Variants in HUWE1 observed in about 807,000 individuals in gnomAD.
HUWE1 encodes HECT, UBA and WWE domain containing E3 ubiquitin protein ligase 1.
A neutral mutation model predicts 299.4 loss-of-function variants in HUWE1; 18 were observed. The observed-to-expected ratio is 0.06, with a 90% CI of 0.04 to 0.09. The LOEUF (loss-of-function observed/expected upper bound fraction) is 0.09, where lower values mean the gene tolerates loss of function less well. Among genes scored for constraint, HUWE1 ranks in the 10% least tolerant of loss-of-function variants. The probability of loss-of-function intolerance (pLI) is 1.00; values close to 1 mark genes in which losing one functional copy is unlikely to be tolerated. For synonymous variants in HUWE1, 1,317 were observed against 1,286.1 expected (o/e 1.02, Z -0.51); for missense variants, 1,832 against 3,462.3 (o/e 0.53, Z 11.82).
intron 78 of HUWE1, 39 bp from the exon 79 acceptor site, chrX:53,536,706 A>G: frequency 8.9e-7 from 1 of 1,128,030 alleles, no homozygotes; most frequent in Non-Finnish European, 1.2e-6. Context: ...GCTGTGCAGA[A>G]AACCCAGGAT....
chrX:53,547,645 A>G, intron 68 of HUWE1, 28 bp downstream of exon 68: 2 of 1,208,555 alleles, frequency 1.7e-6, no homozygotes, highest in Non-Finnish European at 2.2e-6. Flanking sequence ...TATATACCCC[A>G]CAGCTCCCAG....
intron 81 of HUWE1, among the ~76,000 whole-genome samples, chrX:53,535,150 G>T (rs782414177): frequency 9.0e-6 from 1 of 111,061 alleles, no homozygotes; most frequent in Non-Finnish European, 1.9e-5. Context: ...GGCCAGGCTG[G>T]TCTCAAACTC....
At chrX:53,639,501 T>C (rs1474222528) in intron 7 of HUWE1, among the ~76,000 whole-genome samples, 1 of 111,740 alleles carries the variant, frequency 8.9e-6, no homozygotes, top group Non-Finnish European at 1.9e-5. Flanking sequence ...TACAGGTGAC[T>C]TTAAAGTGAT....
At chrX:53,552,264 A>G in intron 63 of HUWE1, 47 bp downstream of exon 63, 1 of 1,205,494 alleles carries the variant, frequency 8.3e-7, no homozygotes, top group Middle Eastern at 2.6e-4. Flanking sequence ...AAGGGCTACT[A>G]GAAGCCAAAA....
chrX:53,548,117 T>C lies in HUWE1; in HGVS notation c.10192A>G (p.Met3398Val), dbSNP rs1556924938. ...FWDLLVKLDN[M>V]NVSRKGKNSV... ...TTCTTGCCTTTCCGGCTGACATTCATGTTGTCCAGTTTTACCAATAAGTCC... is the reference window on the plus strand; with the variant it reads ...TTCTTGCCTTTCCGGCTGACATTCACGTTGTCCAGTTTTACCAATAAGTCC... Residue 3398 changes from methionine (M) to valine (V), a missense_variant, in exon 68 of 84, where the codon ATG becomes GTG. Physicochemically the swap from Met to Val is conservative, Grantham distance 21. Coordinates refer to ENST00000262854, the MANE Select transcript of HUWE1 (RefSeq NM_031407.7). 7.4e-6 allele frequency: 9 copies of C among 1,208,572 alleles called. No individual in the cohort carries two copies. Among genetic ancestry groups the C allele is most frequent in the South Asian group, 3.6e-5 (2 of 56,265 alleles).
At chrX:53,606,083 A>G (rs1202657481) in intron 25 of HUWE1, among the ~76,000 whole-genome samples, 4 of 112,209 alleles carry the variant, frequency 3.6e-5, no homozygotes, top group Admixed American at 9.4e-5. Context: ...AGGTGTTTAC[A>G]CAGGCAACAA....
chrX:53,618,088 C>T (rs2065901552), intron 19 of HUWE1, among the ~76,000 whole-genome samples: 1 of 111,746 alleles, frequency 8.9e-6, no homozygotes, highest in Admixed American at 9.5e-5. Flanking sequence ...ATGGGAAAAA[C>T]TCTACTCAAG....
chrX:53,622,478 G>T (rs1557013190), intron 19 of HUWE1, among the ~76,000 whole-genome samples: 1 of 111,398 alleles, frequency 9.0e-6, no homozygotes, highest in Admixed American at 9.5e-5. Flanking sequence ...CCTATTCTGG[G>T]CCTCATCAGA....
At position 53,557,133 on chromosome X, in the gene HUWE1, A is replaced by G. The variant is rs782261553; in HGVS notation, c.8206+249T>C. Reference sequence around the variant, plus strand: ...GACCTCATTACCCATGCCAGAACAAAGTAGATAATAACCAGAACAAGAACC... The same window carrying G: ...GACCTCATTACCCATGCCAGAACAAGGTAGATAATAACCAGAACAAGAACC... On this transcript the variant is annotated intron_variant, in intron 60 of 83. Transcript: ENST00000262854. 3 of 491,187 alleles carry G rather than the reference A, an allele frequency of 6.1e-6. 1 individual carries two copies. In the South Asian group the frequency reaches 8.2e-5, roughly 13 times the overall value. 40.5% of individuals were successfully genotyped at this position (491,187 alleles called of 1,213,427 possible). A position where few individuals can be genotyped will look rare whatever the true frequency, so the allele number is the denominator to read the frequency against.
Position 53,673,203 on chromosome X carries a change from T to C in HUWE1, c.-25+6846A>G, listed in dbSNP as rs2069645301. Among the ~76,000 whole-genome samples the C allele has an allele frequency of 3.6e-5, 4 of 111,685 alleles. No individual in the cohort carries two copies. The South Asian group carries it at 1.5e-3, about 42-fold the overall frequency. ...CTTACATTCATAATTTATACCATTCTCACAGTAGAAAAATTCAAGCAATTC... is the reference window on the plus strand; with the variant it reads ...CTTACATTCATAATTTATACCATTCCCACAGTAGAAAAATTCAAGCAATTC... On this transcript the variant is annotated intron_variant, in intron 3 of 83. Coordinates refer to ENST00000262854, the MANE Select transcript of HUWE1 (RefSeq NM_031407.7).
chrX:53,628,464 TAAA>T (rs781865515), intron 15 of HUWE1, 26 bp downstream of exon 15: 530 of 1,038,344 alleles, frequency 5.1e-4, no homozygotes, highest in Admixed American at 1.4e-3. Context: ...CCATGTAGTT[TAAA>T]AAAAAAAAAA....
chrX:53,547,797 G>T lies in HUWE1; in HGVS notation c.10512C>A (p.Pro3504=). 1 of 1,201,085 alleles carries T rather than the reference G, an allele frequency of 8.3e-7. No individual in the cohort carries two copies. The highest frequency in any genetic ancestry group is 1.1e-6 in the Non-Finnish European group (1 of 889,571). Reference sequence around the variant, plus strand: ...AAGTGACAGGGGTGGGTGCAGTAGGGGGTGTGGGCGTGGTGGAGGCGGCAG... The same window carrying T: ...AAGTGACAGGGGTGGGTGCAGTAGGTGGTGTGGGCGTGGTGGAGGCGGCAG... ...TTTAASTTPT[P]PTAPTPVTSA... Residue 3504 remains proline, a synonymous_variant, in exon 68 of 84, where the codon CCC becomes CCA. Transcript: ENST00000262854.
intron 3 of HUWE1, among the ~76,000 whole-genome samples, chrX:53,657,477 G>T (rs1326423081): frequency 9.0e-6 from 1 of 111,410 alleles, no homozygotes; most frequent in African/African-American, 3.3e-5. Context: ...AGTGAGCTGA[G>T]ATCGCGCCAC....
At chrX:53,577,758 G>A (rs1396112179) in intron 43 of HUWE1, among the ~76,000 whole-genome samples, 9 of 114,608 alleles carry the variant, frequency 7.9e-5, no homozygotes, top group African/African-American at 2.2e-4. Context: ...TCCTAACCGC[G>A]AGTGATCCGC....
rs188823393 is a variant in HUWE1 at position 53,631,289 on chromosome X, A to C, written c.762+125T>G. ...AAACTAAGGCTCAGAGAAGCTAACA[A>C]TTTGCCCATGGTCTGACTCCAAAGC... On this transcript the variant is annotated intron_variant, in intron 11 of 83. Coordinates refer to ENST00000262854, the MANE Select transcript of HUWE1 (RefSeq NM_031407.7). 21 of 559,662 alleles carry C rather than the reference A, an allele frequency of 3.8e-5. No homozygotes were observed. The African/African-American group carries it at 4.2e-4, about 11-fold the overall frequency. 46.1% of individuals were successfully genotyped at this position (559,662 alleles called of 1,213,427 possible). A position where few individuals can be genotyped will look rare whatever the true frequency, so the allele number is the denominator to read the frequency against.
chrX:53,591,363 TA>T (rs1183857148), intron 33 of HUWE1, among the ~76,000 whole-genome samples: 1 of 110,979 alleles, frequency 9.0e-6, no homozygotes, highest in Non-Finnish European at 1.9e-5. Context: ...CTAAGAAAGT[TA>T]GGGGGGGATG....
intron 7 of HUWE1, among the ~76,000 whole-genome samples, chrX:53,643,823 C>T (rs782103910): frequency 1.7e-4 from 19 of 112,013 alleles, no homozygotes; most frequent in South Asian, 3.7e-4. Flanking sequence ...CAAATATTCT[C>T]TTTTCTTTTT....
chrX:53,658,313 A>G (rs1176323074), intron 3 of HUWE1, among the ~76,000 whole-genome samples: 1 of 111,484 alleles, frequency 9.0e-6, no homozygotes, highest in Non-Finnish European at 1.9e-5. Context: ...CACAGATTCA[A>G]TGCAACTCCA....
chrX:53,642,598 G>A (rs2067676121), intron 7 of HUWE1, among the ~76,000 whole-genome samples: 2 of 111,955 alleles, frequency 1.8e-5, no homozygotes, highest in Admixed American at 9.4e-5. Flanking sequence ...ATGAGAACCA[G>A]TCTACACTCC....
Sources: allele counts gnomAD v4.1 joint callset (sites outside exome capture counted in the v4.1 genomes callset), GRCh38; gene constraint gnomAD v4.1.1; transcripts MANE v1.5; gene names NCBI Gene and HGNC (gene_info 2026-07-23, HGNC 2026-07-21).